GSDMC: variants seen among roughly 807,000 people sequenced by gnomAD.
GSDMC encodes the protein gasdermin-C.
In GSDMC, 59 loss-of-function variants were observed where a neutral mutation model predicts 58.0. The observed-to-expected ratio is 1.02, with a 90% CI of 0.82 to 1.26. The LOEUF (loss-of-function observed/expected upper bound fraction) is 1.26, where lower values mean the gene tolerates loss of function less well. Among genes scored for constraint, GSDMC ranks in the 50% most tolerant of loss-of-function variants. The pLI is 0.00. For missense variants in GSDMC, 659 were observed against 598.5 expected (o/e 1.10, Z -1.06); for synonymous variants, 241 against 220.2 (o/e 1.09, Z -0.83).
chr8:129,759,157 G>A (rs140521664), intron 6 of GSDMC, among the ~76,000 whole-genome samples: 52 of 152,164 alleles, frequency 3.4e-4, no homozygotes, highest in African/African-American at 1.1e-3. Flanking sequence ...CTGGATATCC[G>A]TATCCAGGAG....
chr8:129,740,677 C>T, the GSDMC span, among the ~76,000 whole-genome samples: 1 of 152,080 alleles, frequency 6.6e-6, no homozygotes, highest in Non-Finnish European at 1.5e-5. Context: ...CCTAATGATG[C>T]ATTTATTAGA....
intron 4 of GSDMC, among the ~76,000 whole-genome samples, chr8:129,764,089 A>G (rs965964757): frequency 3.5e-4 from 53 of 152,156 alleles, no homozygotes; most frequent in African/African-American, 1.1e-3. Flanking sequence ...AGGATCAAGT[A>G]TTTCTTACCT....
chr8:129,719,471 A>G, the GSDMC span, among the ~76,000 whole-genome samples: 1 of 152,238 alleles, frequency 6.6e-6, no homozygotes, highest in African/African-American at 2.4e-5. Context: ...AAACAAATTG[A>G]CAGAAGATTG....
the GSDMC span, among the ~76,000 whole-genome samples, chr8:129,724,241 T>A: frequency 2.6e-4 from 39 of 152,266 alleles, no homozygotes; most frequent in African/African-American, 9.1e-4. Context: ...CTTGCCAACA[T>A]CCAACTGCAG....
chr8:129,707,778 G>A, the GSDMC span, among the ~76,000 whole-genome samples: 1 of 152,166 alleles, frequency 6.6e-6, no homozygotes, highest in African/African-American at 2.4e-5. Flanking sequence ...TCTTATCTTC[G>A]CTTTTCATCA....
chr8:129,706,063 G>A, the GSDMC span, among the ~76,000 whole-genome samples: 1 of 152,092 alleles, frequency 6.6e-6, no homozygotes, highest in Non-Finnish European at 1.5e-5. Context: ...TTTAAAGATA[G>A]GAAGGGAATT....
downstream of GSDMC, among the ~76,000 whole-genome samples, chr8:129,745,205 C>A (rs1396270659): frequency 6.6e-6 from 1 of 152,198 alleles, no homozygotes; most frequent in Non-Finnish European, 1.5e-5. Context: ...ACCATTTGAT[C>A]TATTAGCACT....
chr8:129,731,099 C>A, the GSDMC span, among the ~76,000 whole-genome samples: 4 of 151,978 alleles, frequency 2.6e-5, no homozygotes, highest in African/African-American at 9.7e-5. Context: ...GAAACCATAC[C>A]ATTAACTTGA....
chr8:129,762,948 C>A (rs1192033008), intron 4 of GSDMC, among the ~76,000 whole-genome samples: 1 of 152,038 alleles, frequency 6.6e-6, no homozygotes, highest in Non-Finnish European at 1.5e-5. Context: ...GTTTTTATTT[C>A]TTTCCAGATT....
chr8:129,742,163 G>C, the GSDMC span, among the ~76,000 whole-genome samples: 1 of 152,018 alleles, frequency 6.6e-6, no homozygotes, highest in Non-Finnish European at 1.5e-5. Flanking sequence ...TTATTGAAGA[G>C]ATGTTGGTCA....
chr8:129,712,825 C>T, the GSDMC span, among the ~76,000 whole-genome samples: 2 of 152,308 alleles, frequency 1.3e-5, no homozygotes, highest in Non-Finnish European at 2.9e-5. Flanking sequence ...TAAAACTCTC[C>T]TGCCTTGGGG....
At chr8:129,732,707 T>C in the GSDMC span, among the ~76,000 whole-genome samples, 2 of 152,186 alleles carry the variant, frequency 1.3e-5, no homozygotes, top group South Asian at 2.1e-4. Context: ...GATGGCCGAA[T>C]AGGAACAGCA....
chr8:129,727,202 A>G, the GSDMC span, among the ~76,000 whole-genome samples: 1 of 152,224 alleles, frequency 6.6e-6, no homozygotes, highest in Non-Finnish European at 1.5e-5. Flanking sequence ...ATGACTTACG[A>G]TGGACATATA....
intron 1 of GSDMC, among the ~76,000 whole-genome samples, chr8:129,784,411 A>T (rs1298617538): frequency 6.6e-6 from 1 of 152,188 alleles, no homozygotes; most frequent in Admixed American, 6.5e-5. Flanking sequence ...AAATCTAATA[A>T]TCAGATTAAA....
the GSDMC span, among the ~76,000 whole-genome samples, chr8:129,737,268 T>C: frequency 1.3e-5 from 2 of 152,196 alleles, no homozygotes; most frequent in Non-Finnish European, 2.9e-5. Context: ...AATGACTTTC[T>C]TCACAGAATT....
intron 3 of GSDMC, among the ~76,000 whole-genome samples, chr8:129,766,338 G>A (rs1355154066): frequency 6.6e-6 from 1 of 152,098 alleles, no homozygotes; most frequent in East Asian, 1.9e-4. Flanking sequence ...TAGTTTCCAG[G>A]GATATATGAA....
chr8:129,755,592 T>C (rs2130382336), intron 6 of GSDMC, among the ~76,000 whole-genome samples: 1 of 152,288 alleles, frequency 6.6e-6, no homozygotes, highest in South Asian at 2.1e-4. Flanking sequence ...ACTATAATTA[T>C]GGCATGTAAA....
At position 129,759,406 on chromosome 8, in the gene GSDMC, A is replaced by C. The variant is rs142098057; in HGVS notation, c.721+1139T>G. Among the ~76,000 whole-genome samples the C allele has an allele frequency of 2.8e-4, 42 of 152,296 alleles. No individual in the cohort carries two copies. In the East Asian group the frequency reaches 7.9e-3, roughly 29 times the overall value. The stretch of plus-strand genomic sequence containing the variant: ...AAAGCTTCTTCACAGGAAAGGAAAC[A>C]ATCAACAAAGTGAAGACACAACCCA... On this transcript the variant is annotated intron_variant, in intron 6 of 13. Coordinates refer to ENST00000276708, the MANE Select transcript of GSDMC (RefSeq NM_031415.3).
chr8:129,727,025 C>CA, the GSDMC span, among the ~76,000 whole-genome samples: 1 of 150,592 alleles, frequency 6.6e-6, no homozygotes, highest in Non-Finnish European at 1.5e-5. Context: ...CACACACACA[C>CA]CTATTCACAT....
Sources: gnomAD v4.1 joint callset for allele counts (sites outside exome capture counted in the v4.1 genomes callset) on GRCh38, gnomAD v4.1.1 for gene constraint, MANE v1.5 for transcripts, NCBI Gene and HGNC (gene_info 2026-07-23, HGNC 2026-07-21) for gene names.